The following HS6ST3 variants were observed in gnomAD, a reference collection of about 807,000 sequenced individuals.
The protein encoded by HS6ST3 is heparan-sulfate 6-O-sulfotransferase 3.
HS6ST3 carries 12 observed loss-of-function variants against 36.7 expected under a neutral mutation model. The ratio of observed to expected loss-of-function variants is 0.33; its 90% confidence interval spans 0.21 to 0.53. The LOEUF is 0.53. Among genes scored for constraint, HS6ST3 ranks in the 20% least tolerant of loss-of-function variants. The pLI is 0.95. For synonymous variants in HS6ST3, 240 were observed against 257.5 expected (o/e 0.93, Z 0.65); for missense variants, 584 against 640.9 (o/e 0.91, Z 0.96).
chr13:96,428,648 A>T (rs1435094507), intron 1 of HS6ST3, among the ~76,000 whole-genome samples: 1 of 152,132 alleles, frequency 6.6e-6, no homozygotes, highest in Non-Finnish European at 1.5e-5. Flanking sequence ...TCTTCAAATA[A>T]TGTCAGGTAC....
Position 96,782,325 on chromosome 13 carries a change from C to A in HS6ST3, c.708-50165C>A, listed in dbSNP as rs1055513720. Among the ~76,000 whole-genome samples, 6 of 152,166 alleles carry A rather than the reference C, an allele frequency of 3.9e-5. No homozygotes were observed. In the South Asian group the frequency reaches 6.2e-4, roughly 16 times the overall value. ...TTCTCCTTGTTCTCCAAAACAGTCG[C>A]CATGAACACATCAGACCAGTGCTAA... is the stretch of plus-strand genomic sequence containing the variant. On this transcript the variant is annotated intron_variant, in intron 1 of 1. Coordinates refer to ENST00000376705, the MANE Select transcript of HS6ST3 (RefSeq NM_153456.4).
At chr13:96,735,755 A>T (rs939941147) in intron 1 of HS6ST3, among the ~76,000 whole-genome samples, 11 of 152,222 alleles carry the variant, frequency 7.2e-5, no homozygotes, top group African/African-American at 2.7e-4. Context: ...TCTATCATGT[A>T]AAAAAGTTTA....
intron 1 of HS6ST3, among the ~76,000 whole-genome samples, chr13:96,516,999 G>C (rs2056075286): frequency 6.6e-6 from 1 of 152,206 alleles, no homozygotes; most frequent in East Asian, 1.9e-4. Context: ...TTTTAAGGCA[G>C]TGTTTGAAAG....
intron 1 of HS6ST3, among the ~76,000 whole-genome samples, chr13:96,805,296 G>C (rs933714022): frequency 6.6e-6 from 1 of 152,080 alleles, no homozygotes; most frequent in Non-Finnish European, 1.5e-5. Flanking sequence ...AGATCTGGTT[G>C]TTTGAAAGTA....
At chr13:96,104,260 A>G (rs1002178969) in intron 1 of HS6ST3, among the ~76,000 whole-genome samples, 47 of 152,200 alleles carry the variant, frequency 3.1e-4, no homozygotes, top group African/African-American at 1.1e-3. Flanking sequence ...GCATTGCAAT[A>G]AGATCTACTG....
At chr13:96,803,299 A>G (rs539350412) in intron 1 of HS6ST3, among the ~76,000 whole-genome samples, 2 of 152,176 alleles carry the variant, frequency 1.3e-5, no homozygotes, top group African/African-American at 4.8e-5. Flanking sequence ...AACACTTCTC[A>G]TCTTTGCAGA....
At chr13:96,271,664 A>G (rs2054720926) in intron 1 of HS6ST3, among the ~76,000 whole-genome samples, 1 of 152,004 alleles carries the variant, frequency 6.6e-6, no homozygotes, top group Non-Finnish European at 1.5e-5. Flanking sequence ...AGTGCTTGGG[A>G]GAAGGTGACA....
chr13:96,605,380 GC>G (rs2056435080), intron 1 of HS6ST3, among the ~76,000 whole-genome samples: 1 of 151,978 alleles, frequency 6.6e-6, no homozygotes, highest in South Asian at 2.1e-4. Flanking sequence ...CATCTTAGAG[GC>G]ACACACTTTA....
intron 1 of HS6ST3, among the ~76,000 whole-genome samples, chr13:96,659,235 G>A (rs1287364499): frequency 6.6e-6 from 1 of 152,116 alleles, no homozygotes; most frequent in Non-Finnish European, 1.5e-5. Flanking sequence ...AGTGGTTTGG[G>A]GTGGTTATTT....
At chr13:96,367,278 A>G (rs893597266) in intron 1 of HS6ST3, among the ~76,000 whole-genome samples, 3 of 152,364 alleles carry the variant, frequency 2.0e-5, no homozygotes, top group Admixed American at 6.5e-5. Flanking sequence ...CCCTGAAATT[A>G]TATTTCTAGG....
intron 1 of HS6ST3, among the ~76,000 whole-genome samples, chr13:96,603,512 C>A (rs1313879469): frequency 2.0e-5 from 3 of 151,992 alleles, no homozygotes; most frequent in African/African-American, 7.3e-5. Flanking sequence ...CAAATAGTGT[C>A]TCTATAAATA....
At chr13:96,128,041 G>C (rs1282154541) in intron 1 of HS6ST3, among the ~76,000 whole-genome samples, 1 of 152,180 alleles carries the variant, frequency 6.6e-6, no homozygotes, top group Non-Finnish European at 1.5e-5. Flanking sequence ...TTGGGAATCT[G>C]TATTGTCAAA....
chr13:96,229,067 T>C (rs2054494936), intron 1 of HS6ST3, among the ~76,000 whole-genome samples: 1 of 152,072 alleles, frequency 6.6e-6, no homozygotes, highest in Admixed American at 6.6e-5. Context: ...AGCCAAAATG[T>C]CCCCCATTTC....
At chr13:96,261,571 G>A (rs1450848893) in intron 1 of HS6ST3, among the ~76,000 whole-genome samples, 1 of 152,190 alleles carries the variant, frequency 6.6e-6, no homozygotes, top group Non-Finnish European at 1.5e-5. Context: ...ATGGCCTGGT[G>A]AAATGGAGAA....
At chr13:96,370,339 A>T (rs939689092) in intron 1 of HS6ST3, among the ~76,000 whole-genome samples, 12 of 152,204 alleles carry the variant, frequency 7.9e-5, no homozygotes, top group Non-Finnish European at 2.9e-5. Context: ...CTTCAGAACA[A>T]TGAAATTTTT....
rs1038302406 is a variant in HS6ST3 at position 96,836,767 on chromosome 13, T to C, written c.*3569T>C. ...TGGATAGAATTCCCATTCAGCTGTT[T>C]TAACACAGAAATTCAAAATAGTGAC... On this transcript the variant is annotated 3_prime_UTR_variant, in exon 2 of 2. Transcript: ENST00000376705. 6 of 152,348 alleles carry C rather than the reference T, an allele frequency of 3.9e-5. No homozygotes were observed. The highest frequency in any genetic ancestry group is 2.1e-4 in the South Asian group (1 of 4,828). The allele number at this position is 152,348 out of a possible 1,614,324, so 9.4% of individuals were successfully genotyped here.
At chr13:96,235,382 G>GTA (rs1360737515) in intron 1 of HS6ST3, among the ~76,000 whole-genome samples, 1 of 152,030 alleles carries the variant, frequency 6.6e-6, no homozygotes, top group Non-Finnish European at 1.5e-5. Context: ...GTTTGAAGGT[G>GTA]GGCTTCCCCA....
At chr13:96,315,596 A>G (rs1227094733) in intron 1 of HS6ST3, among the ~76,000 whole-genome samples, 1 of 152,144 alleles carries the variant, frequency 6.6e-6, no homozygotes, top group Non-Finnish European at 1.5e-5. Flanking sequence ...TTTATATAAT[A>G]CAGAATGCAG....
chr13:96,488,861 C>T (rs1164266192), intron 1 of HS6ST3, among the ~76,000 whole-genome samples: 1 of 152,002 alleles, frequency 6.6e-6, no homozygotes, highest in Non-Finnish European at 1.5e-5. Context: ...TCCTATCACT[C>T]ACCACAAAAT....
Sources: gnomAD v4.1 joint callset for allele counts (sites outside exome capture counted in the v4.1 genomes callset) on GRCh38, gnomAD v4.1.1 for gene constraint, MANE v1.5 for transcripts, NCBI Gene and HGNC (gene_info 2026-07-23, HGNC 2026-07-21) for gene names.